RBPJ: variants seen among roughly 807,000 people sequenced by gnomAD.
RBPJ encodes the protein recombining binding protein suppressor of hairless.
RBPJ carries 9 observed loss-of-function variants against 67.8 expected under a neutral mutation model. The observed-to-expected ratio is 0.13, with a 90% CI of 0.08 to 0.23. RBPJ has a LOEUF of 0.23. RBPJ is among the 10% of genes least tolerant of loss of function. The pLI is 1.00. For missense variants in RBPJ, 305 were observed against 595.6 expected, an observed-to-expected ratio of 0.51 and a Z score of 5.08; for synonymous variants, 198 against 203.3, an observed-to-expected ratio of 0.97 and a Z score of 0.22.
intron 1 of RBPJ, among the ~76,000 whole-genome samples, chr4:26,224,155 A>G (rs1336755675): frequency 6.6e-6 from 1 of 152,020 alleles, no homozygotes; most frequent in Non-Finnish European, 1.5e-5. Flanking sequence ...TCTATCTTGG[A>G]CACCAATCAC....
At chr4:26,372,982 C>T (rs73810216) in intron 1 of RBPJ, among the ~76,000 whole-genome samples, 2,107 of 152,278 alleles carry the variant, frequency 0.014, 51 homozygotes, top group African/African-American at 0.049. Flanking sequence ...CTCAGATACA[C>T]GTTGGCAGAA....
chr4:26,204,373 C>T (rs535609861), intron 1 of RBPJ, among the ~76,000 whole-genome samples: 1 of 152,298 alleles, frequency 6.6e-6, no homozygotes, highest in African/African-American at 2.4e-5. Context: ...CCTTTGAAGA[C>T]AGGACATACT....
At chr4:26,245,540 C>CT (rs1188907557) in intron 1 of RBPJ, among the ~76,000 whole-genome samples, 5 of 152,156 alleles carry the variant, frequency 3.3e-5, no homozygotes, top group Non-Finnish European at 7.4e-5. Context: ...TGTCTTTTCA[C>CT]TTTTGTGACA....
chr4:26,334,829 C>T (rs1378244462), intron 1 of RBPJ, among the ~76,000 whole-genome samples: 2 of 152,190 alleles, frequency 1.3e-5, no homozygotes, highest in Non-Finnish European at 2.9e-5. Flanking sequence ...AAGCTACTAT[C>T]TCCACTTCTT....
intron 1 of RBPJ, among the ~76,000 whole-genome samples, chr4:26,216,317 C>T (rs1227955835): frequency 6.6e-6 from 1 of 152,142 alleles, no homozygotes. Flanking sequence ...AGGGGGCCAC[C>T]ATTCCACCCA....
chr4:26,391,472 C>T lies in RBPJ; in HGVS notation c.59+5081C>T, dbSNP rs553226819. On this transcript the variant is annotated intron_variant, in intron 2 of 10. Transcript: ENST00000355476. ...CCTCCTTCAACCCACCCCCCACACA[C>T]AAAGTAACTACAGTCTATACATAGT... Among the ~76,000 whole-genome samples, 4 of 152,064 alleles carry T rather than the reference C, an allele frequency of 2.6e-5. No homozygotes were observed. The South Asian group carries it at 8.3e-4, about 32-fold the overall frequency.
intron 1 of RBPJ, among the ~76,000 whole-genome samples, chr4:26,338,071 C>T (rs1197974063): frequency 1.5e-5 from 2 of 131,702 alleles, no homozygotes; most frequent in Non-Finnish European, 3.3e-5. Flanking sequence ...TGTAGTTTTT[C>T]TTTTGGCTTT....
At chr4:26,353,609 C>CTTTTT (rs5856939) in intron 1 of RBPJ, among the ~76,000 whole-genome samples, 1 of 127,714 alleles carries the variant, frequency 7.8e-6, no homozygotes, top group Non-Finnish European at 1.7e-5. Context: ...TCACAGTATT[C>CTTTTT]TTTTTTTTTT....
chr4:26,401,700 T>TA (rs1191573618), intron 2 of RBPJ, among the ~76,000 whole-genome samples: 1 of 152,188 alleles, frequency 6.6e-6, no homozygotes, highest in South Asian at 2.1e-4. Context: ...ACAATGCAGT[T>TA]ACTGCTAAAT....
At chr4:26,301,934 AG>A (rs1722091670) in intron 1 of RBPJ, among the ~76,000 whole-genome samples, 1 of 152,032 alleles carries the variant, frequency 6.6e-6, no homozygotes, top group Non-Finnish European at 1.5e-5. Flanking sequence ...CTGGGATTAT[AG>A]GTGTGCGCCA....
chr4:26,255,815 A>AG lies in RBPJ; in HGVS notation c.-167+92201_-167+92202insG, dbSNP rs1221999224. ...AGACTCCGTCTCAAAAAAAAAAAAA[A>AG]AAAGAAAAGAAAAAAGAAAATCACC... On this transcript the variant is annotated intron_variant, in intron 1 of 4. Coordinates refer to the RBPJ transcript ENST00000512351. Among the ~76,000 whole-genome samples, 744 of 151,680 alleles carry AG rather than the reference A, an allele frequency of 4.9e-3. 12 individuals are homozygous for AG. The highest frequency in any genetic ancestry group is 0.017 in the African/African-American group (700 of 41,386).
rs1269866364 is a variant in RBPJ, at chr4:26,424,036, T to C, written c.497-306T>C. ...CTTTCAATAGGTCATCATTTAAATT[T>C]CTACTGTCTAACATTATTTTAAAAG... is the stretch of plus-strand genomic sequence containing the variant. On this transcript the variant is annotated intron_variant, in intron 5 of 10. Coordinates refer to ENST00000355476, the MANE Select transcript of RBPJ (RefSeq NM_015874.6). This position sits in a 1 kb window ranked among gnomAD's most constrained non-coding sequence, Gnocchi z 5.3. Among the ~76,000 whole-genome samples the C allele has an allele frequency of 2.0e-5, 3 of 152,352 alleles. No homozygotes were observed. In the East Asian group the frequency reaches 5.8e-4, roughly 29 times the overall value.
chr4:26,124,415 CATATATATATATATATATATAT>C, the RBPJ span, among the ~76,000 whole-genome samples: 56 of 62,428 alleles, frequency 9.0e-4, 2 homozygotes, highest in Middle Eastern at 0.026. Context: ...AGTATTCCAT[CATATATATATATATATATATAT>C]ATATATATAT....
intron 1 of RBPJ, among the ~76,000 whole-genome samples, chr4:26,336,436 A>AT (rs1270084169): frequency 6.6e-6 from 1 of 152,108 alleles, no homozygotes; most frequent in Non-Finnish European, 1.5e-5. Flanking sequence ...ATAGCTGGAG[A>AT]TTAAGAGTTG....
At chr4:26,339,633 C>T (rs1217725255) in intron 1 of RBPJ, among the ~76,000 whole-genome samples, 1 of 149,278 alleles carries the variant, frequency 6.7e-6, no homozygotes, top group African/African-American at 2.5e-5. Context: ...GACTCTGTTT[C>T]AAAAAACAAA....
chr4:26,431,202 A>AAAAAAAAAAAAAAAAAAAAAC lies in RBPJ; in HGVS notation c.*204_*205insAAAAAAAAAAACAAAAAAAAA, dbSNP rs1736200642. On this transcript the variant is annotated 3_prime_UTR_variant, in exon 11 of 11. Coordinates refer to ENST00000355476, the MANE Select transcript of RBPJ (RefSeq NM_015874.6). ...GCCACAGTAAAAAAAAAAAAAAAAA[A>AAAAAAAAAAAAAAAAAAAAAC]AAAAAAAAAGAAAAAAAAATCAAAA... 2.4e-6 allele frequency: 1 copy of AAAAAAAAAAAAAAAAAAAAAC among 418,292 alleles called. No homozygotes were observed. The highest frequency in any genetic ancestry group is 2.1e-5 in the African/African-American group (1 of 48,514). 25.9% of individuals were successfully genotyped at this position (418,292 alleles called of 1,614,324 possible).
At chr4:26,236,909 T>G (rs1243943119) in intron 1 of RBPJ, among the ~76,000 whole-genome samples, 1 of 152,206 alleles carries the variant, frequency 6.6e-6, no homozygotes, top group Non-Finnish European at 1.5e-5. Flanking sequence ...CTGGTGCTGA[T>G]TCTGATGTCT....
intron 1 of RBPJ, among the ~76,000 whole-genome samples, chr4:26,294,547 G>C (rs1721796350): frequency 6.6e-6 from 1 of 152,146 alleles, no homozygotes; most frequent in Non-Finnish European, 1.5e-5. Flanking sequence ...AAGAGGTGAT[G>C]GTGCCCCGGA....
chr4:26,114,475 G>GTATATATATATATATATATATATATATA, the RBPJ span, among the ~76,000 whole-genome samples: 1 of 89,196 alleles, frequency 1.1e-5, no homozygotes, highest in South Asian at 3.4e-4. Context: ...AAAAAAGAAT[G>GTATATATATATATATATATATATATATA]TACATATATA....
Sources: allele counts gnomAD v4.1 joint callset (sites outside exome capture counted in the v4.1 genomes callset), GRCh38; gene constraint gnomAD v4.1.1; non-coding constraint Gnocchi (gnomAD v3.1); transcripts MANE v1.5; gene names NCBI Gene and HGNC (gene_info 2026-07-23, HGNC 2026-07-21).